Variants in PCDH15 observed in about 807,000 individuals in gnomAD.
PCDH15 encodes protocadherin related 15.
In PCDH15, 129 loss-of-function variants were observed where a neutral mutation model predicts 178.5. The observed-to-expected ratio is 0.72, with a 90% CI of 0.63 to 0.84. The LOEUF (loss-of-function observed/expected upper bound fraction) is 0.84, where lower values mean the gene tolerates loss of function less well. PCDH15 is among the 40% of genes least tolerant of loss of function. The pLI, the probability that PCDH15 is intolerant of heterozygous loss-of-function variation, is 0.00. For synonymous variants in PCDH15, 800 were observed against 732.0 expected, an observed-to-expected ratio of 1.09 and a Z score of -1.50; for missense variants, 2,230 against 2,099.9, an observed-to-expected ratio of 1.06 and a Z score of -1.21.
chr10:53,948,907 A>C (rs543946204), intron 23 of PCDH15, among the ~76,000 whole-genome samples: 1 of 152,332 alleles, frequency 6.6e-6, no homozygotes, highest in Middle Eastern at 3.4e-3. Flanking sequence ...ATTACTAATA[A>C]AATAAAATTA....
chr10:55,307,523 T>A (rs1470043392), intron 1 of PCDH15, among the ~76,000 whole-genome samples: 1 of 151,720 alleles, frequency 6.6e-6, no homozygotes, highest in African/African-American at 2.4e-5. Flanking sequence ...AAAAAAAAAT[T>A]ATATTTTCTT....
intron 33 of PCDH15, among the ~76,000 whole-genome samples, chr10:53,819,448 C>A (rs1043071542): frequency 6.6e-6 from 1 of 151,978 alleles, no homozygotes; most frequent in Middle Eastern, 3.2e-3. Flanking sequence ...AACAGAACTA[C>A]TACTTTACCT....
intron 30 of PCDH15, chr10:53,831,113 G>C: frequency 1.3e-6 from 1 of 760,886 alleles, no homozygotes. Context: ...AGGAATATTG[G>C]GCCATCAGTG....
Position 55,523,262 on chromosome 10 carries a change from G to A in PCDH15, c.-156+104363C>T, listed in dbSNP as rs547003306. The stretch of plus-strand genomic sequence containing the variant: ...GGAGTTTATTCACTAGTTTGTTGGT[G>A]TTTCACAGGTGTCATATATTTTCTT... On this transcript the variant is annotated intron_variant, in intron 2 of 5. Transcript: ENST00000613346. 2.6e-5 allele frequency among the ~76,000 whole-genome samples: 4 copies of A among 151,076 alleles called. No individual in the cohort carries two copies. In the South Asian group the frequency reaches 8.4e-4, roughly 32 times the overall value.
intron 2 of PCDH15, among the ~76,000 whole-genome samples, chr10:54,963,490 A>C (rs1330859470): frequency 6.6e-6 from 1 of 152,202 alleles, no homozygotes; most frequent in Non-Finnish European, 1.5e-5. Context: ...CGTGTAAATT[A>C]ACCAGTGTTC....
chr10:54,845,755 A>G (rs577868643), intron 3 of PCDH15, among the ~76,000 whole-genome samples: 2 of 152,166 alleles, frequency 1.3e-5, no homozygotes, highest in African/African-American at 4.8e-5. Flanking sequence ...AAAGTAACCC[A>G]TGAGAAAAAT....
intron 2 of PCDH15, among the ~76,000 whole-genome samples, chr10:55,487,761 T>A (rs1840325994): frequency 6.6e-6 from 1 of 151,752 alleles, no homozygotes; most frequent in Admixed American, 6.6e-5. Flanking sequence ...AAAACACACA[T>A]GTATAGCATC....
chr10:55,125,160 T>A (rs1036765276), intron 2 of PCDH15, among the ~76,000 whole-genome samples: 2 of 108,338 alleles, frequency 1.8e-5, no homozygotes, highest in African/African-American at 3.0e-5. Context: ...AATTTTTTTT[T>A]AATTGTGTGT....
chr10:55,275,918 A>G (rs1286549566), intron 1 of PCDH15, among the ~76,000 whole-genome samples: 1 of 151,502 alleles, frequency 6.6e-6, no homozygotes, highest in African/African-American at 2.4e-5. Flanking sequence ...AATTATAAAT[A>G]TTTAGCTCTT....
chr10:55,202,633 T>C (rs966627147), intron 1 of PCDH15, among the ~76,000 whole-genome samples: 6 of 152,122 alleles, frequency 3.9e-5, no homozygotes, highest in Admixed American at 1.3e-4. Flanking sequence ...TTCTTGTCCA[T>C]GTCACTCTAC....
At chr10:55,104,746 G>A (rs974259037) in intron 2 of PCDH15, among the ~76,000 whole-genome samples, 2 of 152,080 alleles carry the variant, frequency 1.3e-5, no homozygotes, top group South Asian at 2.1e-4. Context: ...ATAATTTCAT[G>A]ACTTCTTTTT....
intron 3 of PCDH15, among the ~76,000 whole-genome samples, chr10:54,505,057 TG>T (rs2081051001): frequency 6.6e-6 from 1 of 152,074 alleles, no homozygotes; most frequent in Non-Finnish European, 1.5e-5. Flanking sequence ...AGAATCACTT[TG>T]TTTTTTTGTT....
At position 55,478,026 on chromosome 10, in the gene PCDH15, G is replaced by A. The variant is rs1840098067; in HGVS notation, c.-156+149599C>T. Among the ~76,000 whole-genome samples, 4 of 151,716 alleles carry A rather than the reference G, an allele frequency of 2.6e-5. No homozygotes were observed. In the South Asian group the frequency reaches 8.3e-4, roughly 31 times the overall value. The stretch of plus-strand genomic sequence containing the variant: ...ACAAATGGAAACCAAAAAGTAGCAG[G>A]AGTAACTATACTTATATCAAATAAA... On this transcript the variant is annotated intron_variant, in intron 2 of 5. Transcript: ENST00000613346.
At chr10:55,368,109 T>A (rs1845411555) in intron 2 of PCDH15, among the ~76,000 whole-genome samples, 1 of 152,084 alleles carries the variant, frequency 6.6e-6, no homozygotes, top group African/African-American at 2.4e-5. Context: ...CAAAAATACC[T>A]TAGGGATTAA....
intron 1 of PCDH15, among the ~76,000 whole-genome samples, chr10:55,201,514 T>C (rs1165697108): frequency 6.6e-6 from 1 of 152,192 alleles, no homozygotes; most frequent in Non-Finnish European, 1.5e-5. Context: ...CCTAATGACT[T>C]GTACACTGGA....
At chr10:55,285,490 A>C (rs1341608688) in intron 1 of PCDH15, among the ~76,000 whole-genome samples, 1 of 151,764 alleles carries the variant, frequency 6.6e-6, no homozygotes, top group East Asian at 1.9e-4. Context: ...ATCATTTTCT[A>C]GGTTTGATGA....
intron 32 of PCDH15, chr10:53,821,408 A>G: frequency 1.0e-6 from 1 of 997,466 alleles, no homozygotes; most frequent in Non-Finnish European, 1.2e-6. Context: ...ATAGGCTTCA[A>G]GAAAAAACAG....
At chr10:54,104,737 T>C in intron 15 of PCDH15, among the ~76,000 whole-genome samples, 1 of 150,662 alleles carries the variant, frequency 6.6e-6, no homozygotes, top group East Asian at 2.0e-4. Context: ...CTCAGGAGGC[T>C]GAGGCAGGAG....
At chr10:54,990,405 T>C (rs183511643) in intron 2 of PCDH15, among the ~76,000 whole-genome samples, 62 of 152,320 alleles carry the variant, frequency 4.1e-4, no homozygotes, top group South Asian at 3.7e-3. Flanking sequence ...GTTCAGGGAA[T>C]GTCTGGTAAG....
Sources: allele counts gnomAD v4.1 joint callset (sites outside exome capture counted in the v4.1 genomes callset), GRCh38; gene constraint gnomAD v4.1.1; transcripts MANE v1.5; gene names NCBI Gene and HGNC (gene_info 2026-07-23, HGNC 2026-07-21).